ROBO2: variants seen among roughly 807,000 people sequenced by gnomAD.
ROBO2 encodes the protein roundabout guidance receptor 2.
A neutral mutation model predicts 160.8 loss-of-function variants in ROBO2; 53 were observed. The observed-to-expected ratio is 0.33, with a 90% CI of 0.26 to 0.41. The LOEUF is 0.41. ROBO2 is among the 10% of genes least tolerant of loss of function. The pLI, the probability that ROBO2 is intolerant of heterozygous loss-of-function variation, is 1.00. For synonymous variants in ROBO2, 664 were observed against 611.7 expected, an observed-to-expected ratio of 1.09 and a Z score of -1.26; for missense variants, 1,577 against 1,722.4, an observed-to-expected ratio of 0.92 and a Z score of 1.49.
At chr3:76,603,332 CAAAAAAAAAA>C (rs61547121) in intron 2 of ROBO2, among the ~76,000 whole-genome samples, 22 of 66,510 alleles carry the variant, frequency 3.3e-4, no homozygotes, top group Non-Finnish European at 4.6e-4. Context: ...ACTCCATCTC[CAAAAAAAAAA>C]AAAAAAAAAA....
chr3:77,563,108 A>T, intron 10 of ROBO2, 59 bp from the exon 12 acceptor site: 1 of 1,541,566 alleles, frequency 6.5e-7, no homozygotes. Context: ...TCCTTCTTTT[A>T]GGCAGTATTG....
chr3:76,141,143 CTCTCTCTCTCTCTCTCTATATATATA>C (rs1425212323), intron 2 of ROBO2, among the ~76,000 whole-genome samples: 2 of 60,848 alleles, frequency 3.3e-5, no homozygotes, highest in African/African-American at 1.4e-4. Flanking sequence ...CTCTCTCTCT[CTCTCTCTCTCTCTCTCTATATATATA>C]TATATATATA....
At chr3:77,536,696 A>C (rs1206553764) in intron 6 of ROBO2, among the ~76,000 whole-genome samples, 2 of 152,176 alleles carry the variant, frequency 1.3e-5, no homozygotes, top group Admixed American at 1.3e-4. Context: ...AAAACCACTA[A>C]TGTTGTTTAA....
At chr3:76,441,635 A>G (rs1222201976) in intron 2 of ROBO2, among the ~76,000 whole-genome samples, 1 of 152,190 alleles carries the variant, frequency 6.6e-6, no homozygotes, top group Non-Finnish European at 1.5e-5. Flanking sequence ...CAGCAGTTGA[A>G]TAAAAACTGT....
At chr3:76,329,120 TG>T (rs932471564) in intron 2 of ROBO2, among the ~76,000 whole-genome samples, 10 of 151,860 alleles carry the variant, frequency 6.6e-5, no homozygotes, top group African/African-American at 2.2e-4. Flanking sequence ...AGCTCGTGGA[TG>T]TGACGCTCCA....
intron 2 of ROBO2, among the ~76,000 whole-genome samples, chr3:77,149,331 G>A (rs1260343614): frequency 2.0e-5 from 3 of 151,998 alleles, no homozygotes; most frequent in Admixed American, 6.6e-5. Flanking sequence ...CACTGCACCC[G>A]GCCCAAAGTA....
intron 2 of ROBO2, among the ~76,000 whole-genome samples, chr3:76,116,263 T>A (rs1214907610): frequency 2.0e-5 from 3 of 152,156 alleles, no homozygotes; most frequent in African/African-American, 7.2e-5. Flanking sequence ...AAGTGTCAGG[T>A]GCAATGCAAG....
chr3:77,324,598 T>A (rs2065163811), intron 2 of ROBO2, among the ~76,000 whole-genome samples: 1 of 151,814 alleles, frequency 6.6e-6, no homozygotes, highest in Non-Finnish European at 1.5e-5. Context: ...GCTAACACGG[T>A]GAAACCCCAT....
chr3:76,665,959 T>C (rs112151569), intron 2 of ROBO2, among the ~76,000 whole-genome samples: 2 of 141,692 alleles, frequency 1.4e-5, no homozygotes, highest in Non-Finnish European at 3.0e-5. Context: ...ATATAATATA[T>C]ACATATAATA....
chr3:76,616,257 G>T lies in ROBO2; in HGVS notation c.110-481757G>T, dbSNP rs541198852. 6.6e-5 allele frequency among the ~76,000 whole-genome samples: 10 copies of T among 152,160 alleles called. No homozygotes were observed. The South Asian group carries it at 2.1e-3, about 32-fold the overall frequency. ...CCAAATCTAACTTTTCTTATTCTTTGTATAAACTATGAAATCATACTTAAT... is the reference window on the plus strand; with the variant it reads ...CCAAATCTAACTTTTCTTATTCTTTTTATAAACTATGAAATCATACTTAAT... On this transcript the variant is annotated intron_variant, in intron 2 of 26. Transcript: ENST00000487694.
intron 5 of ROBO2, among the ~76,000 whole-genome samples, chr3:77,513,932 A>G (rs1327790654): frequency 6.6e-6 from 1 of 151,828 alleles, no homozygotes; most frequent in Non-Finnish European, 1.5e-5. Context: ...TACAACTCTC[A>G]TTAATCAAAC....
chr3:77,238,790 C>A (rs1259939310), intron 2 of ROBO2, among the ~76,000 whole-genome samples: 1 of 152,120 alleles, frequency 6.6e-6, no homozygotes, highest in Non-Finnish European at 1.5e-5. Flanking sequence ...TACTTTCTCC[C>A]AGTGTATATT....
intron 16 of ROBO2, among the ~76,000 whole-genome samples, chr3:77,586,876 G>C (rs1016990071): frequency 3.4e-5 from 5 of 148,874 alleles, no homozygotes; most frequent in Non-Finnish European, 5.9e-5. Context: ...ATAAATATAT[G>C]TATAATAATT....
chr3:77,136,385 C>T (rs528566857), intron 2 of ROBO2, among the ~76,000 whole-genome samples: 2 of 150,150 alleles, frequency 1.3e-5, no homozygotes, highest in South Asian at 2.1e-4. Flanking sequence ...TAAATTGTTG[C>T]TCCATTTGAG....
chr3:76,116,796 C>T (rs2108266546), intron 2 of ROBO2, among the ~76,000 whole-genome samples: 1 of 152,260 alleles, frequency 6.6e-6, no homozygotes, highest in East Asian at 1.9e-4. Flanking sequence ...TTTGTGTGAG[C>T]ACAGGTGAGC....
At chr3:76,757,789 G>T (rs1387396245) in intron 2 of ROBO2, among the ~76,000 whole-genome samples, 1 of 151,728 alleles carries the variant, frequency 6.6e-6, no homozygotes, top group Non-Finnish European at 1.5e-5. Flanking sequence ...CTAAACCACA[G>T]AGTTCACTCA....
At chr3:77,460,581 A>G (rs2082138949) in intron 2 of ROBO2, among the ~76,000 whole-genome samples, 2 of 152,190 alleles carry the variant, frequency 1.3e-5, no homozygotes, top group Non-Finnish European at 2.9e-5. Flanking sequence ...AGTAATGGCT[A>G]GTTGGAAGGA....
At chr3:76,588,135 C>T (rs1220268732) in intron 2 of ROBO2, among the ~76,000 whole-genome samples, 2 of 152,152 alleles carry the variant, frequency 1.3e-5, no homozygotes, top group Non-Finnish European at 2.9e-5. Context: ...AACCCATATC[C>T]AGATTACATT....
intron 5 of ROBO2, among the ~76,000 whole-genome samples, chr3:77,506,198 T>G (rs931052557): frequency 6.6e-5 from 10 of 152,170 alleles, no homozygotes; most frequent in Non-Finnish European, 1.5e-4. Flanking sequence ...GACATTTTGT[T>G]TTGTATATTT....
Sources: allele counts gnomAD v4.1 joint callset (sites outside exome capture counted in the v4.1 genomes callset), GRCh38; gene constraint gnomAD v4.1.1; transcripts MANE v1.5; gene names NCBI Gene and HGNC (gene_info 2026-07-23, HGNC 2026-07-21).